SHC3: variants seen among roughly 807,000 people sequenced by gnomAD.
SHC3 encodes SHC-transforming protein 3.
A neutral mutation model predicts 60.4 loss-of-function variants in SHC3; 15 were observed. That is an observed-to-expected ratio of 0.25 (90% confidence interval 0.17 to 0.38). The LOEUF (loss-of-function observed/expected upper bound fraction) is 0.38, where lower values mean the gene tolerates loss of function less well. SHC3 is among the 10% of genes least tolerant of loss of function. The pLI is 1.00. For synonymous variants in SHC3, 294 were observed against 325.9 expected (o/e 0.90, Z 1.05); for missense variants, 677 against 786.1 (o/e 0.86, Z 1.66).
chr9:89,167,208 C>T (rs1826802258), intron 1 of SHC3, among the ~76,000 whole-genome samples: 1 of 152,140 alleles, frequency 6.6e-6, no homozygotes, highest in African/African-American at 2.4e-5. Context: ...ATTTGTGAGT[C>T]TTATTTTCTC....
At chr9:89,058,935 G>T (rs112666728) in intron 6 of SHC3, among the ~76,000 whole-genome samples, 1 of 150,048 alleles carries the variant, frequency 6.7e-6, no homozygotes, top group South Asian at 2.1e-4. Context: ...GTTAGGACGT[G>T]GTAGAGGACG....
At chr9:89,014,973 C>T (rs958809584) in intron 11 of SHC3, among the ~76,000 whole-genome samples, 1 of 152,224 alleles carries the variant, frequency 6.6e-6, no homozygotes, top group African/African-American at 2.4e-5. Context: ...CCCCCCATCT[C>T]TGTAAGCACC....
chr9:89,059,905 A>G (rs1046139597), intron 6 of SHC3, among the ~76,000 whole-genome samples: 1 of 144,910 alleles, frequency 6.9e-6, no homozygotes, highest in South Asian at 2.3e-4. Context: ...GTGGTGTAGG[A>G]CAGTGGTGGA....
intron 1 of SHC3, among the ~76,000 whole-genome samples, chr9:89,148,318 T>TA (rs1472495363): frequency 6.6e-6 from 1 of 152,140 alleles, no homozygotes; most frequent in Non-Finnish European, 1.5e-5. Context: ...CAATGAGGGT[T>TA]AAAAAAATGG....
chr9:89,101,335 C>T (rs1407609391), intron 2 of SHC3, among the ~76,000 whole-genome samples: 1 of 151,916 alleles, frequency 6.6e-6, no homozygotes, highest in African/African-American at 2.4e-5. Flanking sequence ...ATGTAGATGT[C>T]CATGTTATAT....
chr9:89,031,117 C>T (rs974877969), intron 11 of SHC3, among the ~76,000 whole-genome samples: 1 of 152,232 alleles, frequency 6.6e-6, no homozygotes, highest in East Asian at 1.9e-4. Context: ...AACTCCCAGC[C>T]TCAAGTGATC....
At chr9:89,016,557 A>G (rs1304567513) in intron 11 of SHC3, among the ~76,000 whole-genome samples, 2 of 152,198 alleles carry the variant, frequency 1.3e-5, no homozygotes, top group Non-Finnish European at 2.9e-5. Flanking sequence ...AGAAAACACA[A>G]GGCCTAGATG....
intron 11 of SHC3, chr9:89,037,624 G>C: frequency 2.9e-6 from 2 of 681,816 alleles, no homozygotes; most frequent in Non-Finnish European, 5.4e-6. Flanking sequence ...TCAACTTTTC[G>C]AGATAAGCAT....
intron 11 of SHC3, among the ~76,000 whole-genome samples, chr9:89,025,281 C>T (rs1158658334): frequency 6.6e-6 from 1 of 152,120 alleles, no homozygotes; most frequent in Non-Finnish European, 1.5e-5. Context: ...TCTGCTGGAT[C>T]CACTGAGAGA....
intron 7 of SHC3, among the ~76,000 whole-genome samples, chr9:89,051,205 T>C (rs1824856215): frequency 6.6e-6 from 1 of 151,904 alleles, no homozygotes; most frequent in Admixed American, 6.6e-5. Context: ...AAGTATAGAG[T>C]AAATTTAGGA....
intron 1 of SHC3, among the ~76,000 whole-genome samples, chr9:89,154,914 G>A (rs1389745450): frequency 6.6e-6 from 1 of 152,232 alleles, no homozygotes; most frequent in African/African-American, 2.4e-5. Flanking sequence ...TTGGTATTAT[G>A]GCTAAAGCCA....
chr9:89,057,449 C>A lies in SHC3; in HGVS notation c.836-5286G>T, dbSNP rs181201771. Among the ~76,000 whole-genome samples, 119 of 151,718 alleles carry A rather than the reference C, an allele frequency of 7.8e-4. 1 individual carries two copies. Among genetic ancestry groups the A allele is most frequent in the Middle Eastern group, 3.4e-3 (1 of 292 alleles). On this transcript the variant is annotated intron_variant, in intron 6 of 11. Transcript: ENST00000375835. ...AAAGTAATAAGGGTATAGCATTTTGCACCCATCAGATTTGTGGGAATTTAA... is the reference window on the plus strand; with the variant it reads ...AAAGTAATAAGGGTATAGCATTTTGAACCCATCAGATTTGTGGGAATTTAA...
chr9:89,065,109 C>A (rs74357251), intron 6 of SHC3, among the ~76,000 whole-genome samples: 1 of 152,212 alleles, frequency 6.6e-6, no homozygotes, highest in Admixed American at 6.5e-5. Context: ...AATCAGACAG[C>A]GCCTGAGCTC....
In SHC3 at chr9:89,178,284, A is replaced by G; in HGVS notation, c.177T>C (p.Asp59=). The change falls in exon 1 of 12, where the codon GAT becomes GAC. Residue 59 remains aspartate (D), a synonymous_variant. Coordinates refer to ENST00000375835, the MANE Select transcript of SHC3 (RefSeq NM_016848.6). The surrounding 1 kb of genome is among the most constrained non-coding windows in gnomAD (Gnocchi z 6.9). ...SGEALRKAPD[D]GPGSLGHLLH... ...GCAGGTGGCCCAGGCTGCCGGGCCC[A>G]TCGTCGGGCGCCTTGCGCAGCGCCT... is the stretch of plus-strand genomic sequence containing the variant. The G allele has an allele frequency of 6.4e-7, 1 of 1,559,874 alleles. No individual in the cohort carries two copies. Among genetic ancestry groups the G allele is most frequent in the East Asian group, 2.5e-5 (1 of 40,436 alleles).
chr9:89,157,136 T>C (rs1187073874), intron 1 of SHC3, among the ~76,000 whole-genome samples: 1 of 152,108 alleles, frequency 6.6e-6, no homozygotes, highest in Non-Finnish European at 1.5e-5. Flanking sequence ...CCCTCCTTTC[T>C]CCCACTACAA....
Position 89,142,242 on chromosome 9 carries a change from C to T in SHC3, c.475-29616G>A, listed in dbSNP as rs148068537. Reference sequence around the variant, plus strand: ...GTTGGGCCTTGAACCCAAGTTCAGTCGAGTTTCCTTGCCTTTTATTAAGAG... The same window carrying T: ...GTTGGGCCTTGAACCCAAGTTCAGTTGAGTTTCCTTGCCTTTTATTAAGAG... On this transcript the variant is annotated intron_variant, in intron 1 of 11. Transcript: ENST00000375835. Among the ~76,000 whole-genome samples, 1,020 of 152,260 alleles carry T rather than the reference C, an allele frequency of 6.7e-3. 15 individuals carry two copies. Among genetic ancestry groups the T allele is most frequent in the South Asian group, 0.057 (273 of 4,810 alleles).
At chr9:89,112,862 T>TTTCTAAAACCTG (rs1825970162) in intron 1 of SHC3, among the ~76,000 whole-genome samples, 1 of 152,222 alleles carries the variant, frequency 6.6e-6, no homozygotes, top group Non-Finnish European at 1.5e-5. Flanking sequence ...CTGTTAGTAT[T>TTTCTAAAACCTG]TTCATCTTAT....
chr9:89,056,500 A>T (rs1363970195), intron 6 of SHC3, among the ~76,000 whole-genome samples: 1 of 152,206 alleles, frequency 6.6e-6, no homozygotes, highest in East Asian at 1.9e-4. Context: ...GATTACAGAC[A>T]TGAGCCACCA....
chr9:89,075,820 T>C (rs565367443), intron 3 of SHC3, among the ~76,000 whole-genome samples: 1 of 152,162 alleles, frequency 6.6e-6, no homozygotes, highest in African/African-American at 2.4e-5. Flanking sequence ...TAGATAGACA[T>C]GGCCTGGCTG....
Sources: allele counts gnomAD v4.1 joint callset (sites outside exome capture counted in the v4.1 genomes callset), GRCh38; gene constraint gnomAD v4.1.1; non-coding constraint Gnocchi (gnomAD v3.1); transcripts MANE v1.5; gene names NCBI Gene and HGNC (gene_info 2026-07-23, HGNC 2026-07-21).